PRICKLE2: variants seen among roughly 807,000 people sequenced by gnomAD.
PRICKLE2 encodes prickle-like protein 2.
Under a neutral mutation model 81.4 loss-of-function variants are expected in PRICKLE2, and 21 were observed. That is an observed-to-expected ratio of 0.26 (90% CI 0.18 to 0.37). The LOEUF is 0.37. PRICKLE2 is among the 10% of genes least tolerant of loss of function. The pLI, the probability that PRICKLE2 is intolerant of heterozygous loss-of-function variation, is 1.00. For synonymous variants in PRICKLE2, 456 were observed against 421.5 expected, an observed-to-expected ratio of 1.08 and a Z score of -1.00; for missense variants, 940 against 1,109.0, an observed-to-expected ratio of 0.85 and a Z score of 2.16.
At position 64,099,233 on chromosome 3, in the gene PRICKLE2, C is replaced by T; in HGVS notation, c.2353G>A (p.Asp785Asn). 6.2e-7 allele frequency: 1 copy of T among 1,614,198 alleles called. No homozygotes were observed. Among genetic ancestry groups the T allele is most frequent in the Non-Finnish European group, 8.5e-7 (1 of 1,180,038 alleles). ...CSTCSSSSES[D>N]NEGYFLGEPI... The stretch of plus-strand genomic sequence containing the variant: ...TCTCCTAGGAAATAGCCCTCGTTGT[C>T]AGACTCTGAAGAGGAGGAGCAGGTG... Residue 785 changes from aspartate to asparagine, a missense_variant, in exon 8 of 8, where the codon GAC becomes AAC. Transcript: ENST00000638394. This position sits in a 1 kb window ranked among gnomAD's most constrained non-coding sequence, Gnocchi z 4.3.
intron 7 of PRICKLE2, among the ~76,000 whole-genome samples, chr3:64,108,449 T>A (rs191151049): frequency 6.6e-6 from 1 of 152,182 alleles, no homozygotes; most frequent in East Asian, 1.9e-4. Context: ...ATCTGGGCAG[T>A]GGAGCTTAAA....
At chr3:64,113,083 C>T in intron 7 of PRICKLE2, among the ~76,000 whole-genome samples, 1 of 152,174 alleles carries the variant, frequency 6.6e-6, no homozygotes, top group East Asian at 1.9e-4. Context: ...GCTCTTGTCA[C>T]AGGCCTTGGG....
In PRICKLE2 at chr3:64,094,313, C is replaced by T. The variant is rs1318826193; in HGVS notation, c.*4738G>A. ...TCAACTAGGTAGGTTTAAGAACAGACCTTACTGGTAAGTAACTCTCTCTGA... is the reference window on the plus strand; with the variant it reads ...TCAACTAGGTAGGTTTAAGAACAGATCTTACTGGTAAGTAACTCTCTCTGA... On this transcript the variant is annotated 3_prime_UTR_variant, in exon 8 of 8. Transcript: ENST00000638394. 6.6e-6 allele frequency: 1 copy of T among 152,164 alleles called. No homozygotes were observed. Among genetic ancestry groups the T allele is most frequent in the Non-Finnish European group, 1.5e-5 (1 of 68,028 alleles). The allele number at this position is 152,164 out of a possible 1,614,324, so 9.4% of individuals were successfully genotyped here.
chr3:64,153,227 C>G lies in PRICKLE2; in HGVS notation c.742G>C (p.Glu248Gln), dbSNP rs775194500. 3 of 1,614,190 alleles carry G rather than the reference C, an allele frequency of 1.9e-6. No individual in the cohort carries two copies. The highest frequency in any genetic ancestry group is 2.2e-5 in the East Asian group (1 of 44,874). The change falls in exon 6 of 8, where the codon GAG (glutamate) becomes CAG (glutamine). Residue 248 changes from glutamate (E) to glutamine (Q), a missense_variant. Transcript: ENST00000638394. ...EGRPYCCHCF[E>Q]SLYAEYCDTC... ...TCACAATATTCTGCATACAAGGACT[C>G]GAAGCAGTGGCAACAGTAGGGTCTT... is the stretch of plus-strand genomic sequence containing the variant.
intron 7 of PRICKLE2, among the ~76,000 whole-genome samples, chr3:64,124,448 C>G (rs957552144): frequency 6.6e-6 from 1 of 152,192 alleles, no homozygotes; most frequent in Non-Finnish European, 1.5e-5. Context: ...GTAGGTGAAA[C>G]AGTCTTCAAC....
rs137883043 is a variant in PRICKLE2, at chr3:64,231,174, T to G, written c.129-32207A>C. On this transcript the variant is annotated intron_variant, in intron 2 of 8. Coordinates refer to the PRICKLE2 transcript ENST00000295902. ...CACACAAAATTTTAACACAGCCTTT[T>G]ATCCTCTTTTAATTACATTAATTAA... Among the ~76,000 whole-genome samples the G allele has an allele frequency of 1.7e-3, 258 of 152,320 alleles. 2 individuals carry two copies. The highest frequency in any genetic ancestry group is 6.0e-3 in the African/African-American group (250 of 41,560).
chr3:64,254,331 T>C (rs1446365871), intron 2 of PRICKLE2, among the ~76,000 whole-genome samples: 2 of 152,164 alleles, frequency 1.3e-5, no homozygotes, highest in Non-Finnish European at 2.9e-5. Flanking sequence ...AACAACTCAA[T>C]ACCAGAGCAT....
intron 2 of PRICKLE2, among the ~76,000 whole-genome samples, chr3:64,247,728 C>T (rs941583587): frequency 6.6e-6 from 1 of 152,204 alleles, no homozygotes; most frequent in African/African-American, 2.4e-5. Flanking sequence ...CCCCTATCCC[C>T]TGCCAAAATT....
intron 2 of PRICKLE2, among the ~76,000 whole-genome samples, chr3:64,257,234 C>T (rs2079539206): frequency 6.6e-6 from 1 of 152,156 alleles, no homozygotes; most frequent in African/African-American, 2.4e-5. Context: ...CCTTTTTGGG[C>T]AATGTTGCCA....
intron 7 of PRICKLE2, among the ~76,000 whole-genome samples, chr3:64,108,343 C>T (rs2076788167): frequency 6.6e-6 from 1 of 152,176 alleles, no homozygotes; most frequent in Non-Finnish European, 1.5e-5. Flanking sequence ...GTGGCGGTAG[C>T]TTGATCAGGT....
At chr3:64,242,596 G>A (rs1334221175) in intron 2 of PRICKLE2, among the ~76,000 whole-genome samples, 1 of 152,246 alleles carries the variant, frequency 6.6e-6, no homozygotes, top group East Asian at 1.9e-4. Flanking sequence ...AGCCAACCCT[G>A]AGAGTCCACT....
chr3:64,116,561 T>C (rs550420402), intron 7 of PRICKLE2, among the ~76,000 whole-genome samples: 3 of 152,302 alleles, frequency 2.0e-5, no homozygotes, highest in East Asian at 3.9e-4. Flanking sequence ...GAGAATATTA[T>C]GAACACCTCT....
intron 7 of PRICKLE2, among the ~76,000 whole-genome samples, chr3:64,132,505 G>C (rs1180728515): frequency 6.6e-6 from 1 of 152,160 alleles, no homozygotes; most frequent in Non-Finnish European, 1.5e-5. Context: ...TCTGCTTCCT[G>C]CTGGGGCCTG....
chr3:64,179,810 A>G (rs901090856), intron 2 of PRICKLE2, among the ~76,000 whole-genome samples: 1 of 152,182 alleles, frequency 6.6e-6, no homozygotes. Context: ...AAAATTATAA[A>G]CCATTTGATC....
intron 7 of PRICKLE2, among the ~76,000 whole-genome samples, chr3:64,122,372 A>G (rs2077040941): frequency 6.6e-6 from 1 of 152,190 alleles, no homozygotes; most frequent in African/African-American, 2.4e-5. Flanking sequence ...GTTGTCTGGG[A>G]ACCACTGCTG....
At chr3:64,243,688 G>A (rs1030993398) in intron 2 of PRICKLE2, among the ~76,000 whole-genome samples, 2 of 152,194 alleles carry the variant, frequency 1.3e-5, no homozygotes, top group African/African-American at 4.8e-5. Flanking sequence ...TTAGCAGAGT[G>A]CCTGACACAT....
At chr3:64,142,364 G>A (rs889556686) in intron 7 of PRICKLE2, among the ~76,000 whole-genome samples, 1 of 148,840 alleles carries the variant, frequency 6.7e-6, no homozygotes, top group Non-Finnish European at 1.5e-5. Context: ...AGGCTGGGGT[G>A]CAGTGGTGTG....
intron 7 of PRICKLE2, among the ~76,000 whole-genome samples, chr3:64,117,058 A>G (rs915118040): frequency 2.0e-5 from 3 of 152,272 alleles, no homozygotes; most frequent in African/African-American, 7.2e-5. Context: ...ATGTAAATCA[A>G]TAAATGTGAT....
intron 1 of PRICKLE2, among the ~76,000 whole-genome samples, chr3:64,210,409 G>T (rs1406231214): frequency 6.6e-6 from 1 of 152,158 alleles, no homozygotes; most frequent in Non-Finnish European, 1.5e-5. Context: ...AGGAAAAATG[G>T]TTTCCTAATA....
Sources: allele counts gnomAD v4.1 joint callset (sites outside exome capture counted in the v4.1 genomes callset), GRCh38; gene constraint gnomAD v4.1.1; non-coding constraint Gnocchi (gnomAD v3.1); transcripts MANE v1.5; gene names NCBI Gene and HGNC (gene_info 2026-07-23, HGNC 2026-07-21).